Variants in TCHP observed in about 807,000 individuals in gnomAD.
TCHP encodes trichoplein keratin filament-binding protein.
Under a neutral mutation model 88.7 loss-of-function variants are expected in TCHP, and 81 were observed. The observed-to-expected ratio is 0.91, with a 90% confidence interval of 0.76 to 1.10. The LOEUF (loss-of-function observed/expected upper bound fraction) is 1.10, where lower values mean the gene tolerates loss of function less well. Among genes scored for constraint, TCHP ranks in the 50% least tolerant of loss-of-function variants. The pLI is 0.00. For missense variants in TCHP, 641 were observed against 632.1 expected, an observed-to-expected ratio of 1.01 and a Z score of -0.15; for synonymous variants, 232 against 232.5, an observed-to-expected ratio of 1.00 and a Z score of 0.02.
At chr12:109,893,459 C>A in the TCHP span, among the ~76,000 whole-genome samples, 1 of 152,028 alleles carries the variant, frequency 6.6e-6, no homozygotes, top group Non-Finnish European at 1.5e-5. Context: ...GGCCCAGTCC[C>A]CAGAGAGAAC....
At chr12:109,912,323 C>T (rs1051914507) in intron 9 of TCHP, among the ~76,000 whole-genome samples, 4 of 152,160 alleles carry the variant, frequency 2.6e-5, no homozygotes, top group Admixed American at 6.5e-5. Flanking sequence ...GAGGTCACTC[C>T]GTCCAGGGTG....
intron 9 of TCHP, among the ~76,000 whole-genome samples, chr12:109,911,988 G>A (rs1249206974): frequency 6.6e-6 from 1 of 152,030 alleles, no homozygotes; most frequent in Non-Finnish European, 1.5e-5. Flanking sequence ...TAGAGATGGG[G>A]TTTCACCATC....
the TCHP span, among the ~76,000 whole-genome samples, chr12:109,884,967 T>C: frequency 6.6e-6 from 1 of 152,206 alleles, no homozygotes; most frequent in African/African-American, 2.4e-5. Flanking sequence ...TAATGTCCTT[T>C]GTTTTTGTTT....
At chr12:109,893,920 A>G in the TCHP span, among the ~76,000 whole-genome samples, 4 of 152,208 alleles carry the variant, frequency 2.6e-5, no homozygotes, top group Non-Finnish European at 5.9e-5. Context: ...ACGGTGGCTC[A>G]TGCCTGTAAT....
chr12:109,907,270 C>T (rs1870191891), intron 5 of TCHP, among the ~76,000 whole-genome samples: 1 of 152,186 alleles, frequency 6.6e-6, no homozygotes. Context: ...TTACTGTAAC[C>T]CCTTTGGGGT....
chr12:109,890,162 C>A, the TCHP span, among the ~76,000 whole-genome samples: 1 of 152,150 alleles, frequency 6.6e-6, no homozygotes, highest in African/African-American at 2.4e-5. Context: ...CCTTTGTAGT[C>A]TCACATGGAT....
In TCHP at chr12:109,916,688, A is replaced by G; in HGVS notation, c.*65A>G. On this transcript the variant is annotated 3_prime_UTR_variant, in exon 13 of 13. Coordinates refer to ENST00000405876, the MANE Select transcript of TCHP (RefSeq NM_001143852.2). ...AGGCTTCTGATCCCAGCCGCCAGGC[A>G]GTTTTACAGGGCTCTGTTAACAGTA... 1 of 1,545,222 alleles carries G rather than the reference A, an allele frequency of 6.5e-7. No homozygotes were observed. The highest frequency in any genetic ancestry group is 1.1e-5 in the South Asian group (1 of 86,982).
At chr12:109,887,753 T>C in the TCHP span, 3 of 152,274 alleles carry the variant, frequency 2.0e-5, no homozygotes, top group Admixed American at 1.3e-4. Context: ...CTTATTCCAT[T>C]TGGGATCTGA....
rs1870089533 is a variant in TCHP, at chr12:109,905,754, A to C, written c.457-818A>C. On this transcript the variant is annotated intron_variant, in intron 4 of 12. Coordinates refer to ENST00000405876, the MANE Select transcript of TCHP (RefSeq NM_001143852.2). This position sits in a 1 kb window ranked among gnomAD's most constrained non-coding sequence, Gnocchi z 4.0. ...GCAGTTTGCACTAATCTGTGGGAGG[A>C]CTCCTTAGCCCTGTTGGCTTCGGTG... is the stretch of plus-strand genomic sequence containing the variant. 6.6e-6 allele frequency among the ~76,000 whole-genome samples: 1 copy of C among 151,976 alleles called. No individual in the cohort carries two copies. The highest frequency in any genetic ancestry group is 2.4e-5 in the African/African-American group (1 of 41,348).
chr12:109,894,920 G>C, the TCHP span, among the ~76,000 whole-genome samples: 1 of 151,842 alleles, frequency 6.6e-6, no homozygotes, highest in Admixed American at 6.6e-5. Flanking sequence ...CAGCATGACT[G>C]TGCCATCCAG....
At chr12:109,883,671 C>T in the TCHP span, among the ~76,000 whole-genome samples, 1 of 152,160 alleles carries the variant, frequency 6.6e-6, no homozygotes, top group East Asian at 1.9e-4. Context: ...AGAGATTGCA[C>T]CCTATGTGGG....
chr12:109,880,994 C>T, the TCHP span, among the ~76,000 whole-genome samples: 1 of 152,220 alleles, frequency 6.6e-6, no homozygotes, highest in Admixed American at 6.5e-5. This position sits in a 1 kb window ranked among gnomAD's most constrained non-coding sequence, Gnocchi z 5.1. Flanking sequence ...TCTTGGTCTT[C>T]AATGACCTTA....
Position 109,903,251 on chromosome 12 carries a change from G to T in TCHP, c.188+37G>T. On this transcript the variant is annotated intron_variant, in intron 2 of 12. Transcript: ENST00000405876. The surrounding 1 kb of genome is among the most constrained non-coding windows in gnomAD (Gnocchi z 4.6). ...GTAACTGCCGATTGGATGGAAGTGG[G>T]GACCACTTGCTGGTCAGGGGATGAG... 1 of 1,569,072 alleles carries T rather than the reference G, an allele frequency of 6.4e-7. No homozygotes were observed. Among genetic ancestry groups the T allele is most frequent in the East Asian group, 2.3e-5 (1 of 43,914 alleles).
rs1170142287 is a variant in TCHP, at chr12:109,915,491, A to G, written c.1409A>G (p.Asp470Gly). Residue 470 changes from aspartate (D) to glycine (G), a missense_variant, in exon 12 of 13, where the codon GAT becomes GGT. Coordinates refer to ENST00000405876, the MANE Select transcript of TCHP (RefSeq NM_001143852.2). ...GCCCGGCGGGTCGAGCAGCTCTCAG[A>G]TGCCCTGCTGCAGCAGGAGGCGGAG... is the stretch of plus-strand genomic sequence containing the variant. ...EEARRVEQLS[D>G]ALLQQEAETM... 16 of 1,613,954 alleles carry G rather than the reference A, an allele frequency of 9.9e-6. No homozygotes were observed. Among genetic ancestry groups the G allele is most frequent in the African/African-American group, 9.3e-5 (7 of 74,916 alleles).
the TCHP span, among the ~76,000 whole-genome samples, chr12:109,892,774 A>G: frequency 6.6e-6 from 1 of 152,020 alleles, no homozygotes; most frequent in Admixed American, 6.6e-5. Context: ...CTGCCCAACT[A>G]CTCTAAGCCT....
the TCHP span, among the ~76,000 whole-genome samples, chr12:109,894,591 C>A: frequency 6.6e-6 from 1 of 151,856 alleles, no homozygotes; most frequent in African/African-American, 2.4e-5. Flanking sequence ...CATGGAGAAA[C>A]CCCATCTCTA....
chr12:109,898,680 T>G (rs911896275), upstream of TCHP, among the ~76,000 whole-genome samples: 2 of 152,100 alleles, frequency 1.3e-5, no homozygotes, highest in Admixed American at 6.6e-5. Flanking sequence ...CAGGCTGGAG[T>G]GCAATGGTGT....
intron 8 of TCHP, among the ~76,000 whole-genome samples, chr12:109,909,933 C>G (rs1354828812): frequency 5.9e-5 from 9 of 152,158 alleles, no homozygotes; most frequent in Admixed American, 3.3e-4. Context: ...CCGTTGCACT[C>G]AAGCCTGGGG....
rs774749836 is a variant in TCHP at position 109,907,544 on chromosome 12, C to A, written c.544C>A (p.Gln182Lys). ...CTTGTAGCAAGAAGCCACCGCAGAGCAAGAGAACAAACGGTATGAAAATGA... is the reference window on the plus strand; with the variant it reads ...CTTGTAGCAAGAAGCCACCGCAGAGAAAGAGAACAAACGGTATGAAAATGA... The part of the protein sequence containing the change: ...EKKQQEATAE[Q>K]ENKRYENEYE... The change falls in exon 6 of 13, where the codon CAA (glutamine) becomes AAA (lysine). Residue 182 changes from glutamine to lysine, a missense_variant. By Grantham distance (53) the Gln-to-Lys change is moderately conservative. Coordinates refer to ENST00000405876, the MANE Select transcript of TCHP (RefSeq NM_001143852.2). 16 of 1,614,064 alleles carry A rather than the reference C, an allele frequency of 9.9e-6. No individual in the cohort carries two copies. Among genetic ancestry groups the A allele is most frequent in the Non-Finnish European group, 1.3e-5 (15 of 1,179,994 alleles).
Sources: allele counts gnomAD v4.1 joint callset (sites outside exome capture counted in the v4.1 genomes callset), GRCh38; gene constraint gnomAD v4.1.1; non-coding constraint Gnocchi (gnomAD v3.1); transcripts MANE v1.5; gene names NCBI Gene and HGNC (gene_info 2026-07-23, HGNC 2026-07-21).